SPOCK2: variants seen among roughly 807,000 people sequenced by gnomAD.
SPOCK2 encodes the protein testican-2.
SPOCK2 carries 39 observed loss-of-function variants against 60.1 expected under a neutral mutation model. That is an observed-to-expected ratio of 0.65 (90% CI 0.50 to 0.85). SPOCK2 has a LOEUF of 0.85. SPOCK2 is among the 40% of genes least tolerant of loss of function. The pLI is 0.00. For synonymous variants in SPOCK2, 217 were observed against 231.5 expected (o/e 0.94, Z 0.57); for missense variants, 523 against 567.4 (o/e 0.92, Z 0.80).
chr10:72,086,207 G>A lies in SPOCK2; in HGVS notation c.189+1933C>T, dbSNP rs117701902. The A allele has an allele frequency of 9.1e-3, 8,931 of 986,050 alleles. 41 individuals carry two copies. The highest frequency in any genetic ancestry group is 0.015 in the Middle Eastern group (28 of 1,914). The allele number at this position is 986,050 out of a possible 1,614,324, so 61.1% of individuals were successfully genotyped here. A position where few individuals can be genotyped will look rare whatever the true frequency, so the allele number is the denominator to read the frequency against. ...TAAAGCTTTCCCATGAATCTTACAT[G>A]TGCAAGTCCTGAAGACTTTCAAATC... On this transcript the variant is annotated intron_variant, in intron 1 of 10. Coordinates refer to ENST00000373109, the MANE Select transcript of SPOCK2 (RefSeq NM_001244950.2).
rs574212464 is a variant in SPOCK2, at chr10:72,059,228, C to T, written c.*3532G>A. 1.3e-5 allele frequency: 2 copies of T among 152,810 alleles called. No homozygotes were observed. The highest frequency in any genetic ancestry group is 2.9e-5 in the Non-Finnish European group (2 of 68,068). The allele number at this position is 152,810 out of a possible 1,614,324, so 9.5% of individuals were successfully genotyped here. On this transcript the variant is annotated 3_prime_UTR_variant, in exon 11 of 11. Coordinates refer to ENST00000373109, the MANE Select transcript of SPOCK2 (RefSeq NM_001244950.2). ...AGGGGAAAGGCAGGGCTGGATGACTCACGGGACTCTTGAGTGCCCATCAAC... is the reference window on the plus strand; with the variant it reads ...AGGGGAAAGGCAGGGCTGGATGACTTACGGGACTCTTGAGTGCCCATCAAC...
At chr10:72,074,531 CAGAA>C (rs1564548822) in intron 1 of SPOCK2, among the ~76,000 whole-genome samples, 1 of 152,252 alleles carries the variant, frequency 6.6e-6, no homozygotes, top group Non-Finnish European at 1.5e-5. Context: ...TGTGTAGTGA[CAGAA>C]GGAAAACAAG....
chr10:72,066,212 G>T (rs1409105000), intron 8 of SPOCK2, among the ~76,000 whole-genome samples: 1 of 152,008 alleles, frequency 6.6e-6, no homozygotes, highest in Non-Finnish European at 1.5e-5. Context: ...TTTAAGATGT[G>T]CCTAAAAGAA....
At chr10:72,072,643 T>C (rs989075690) in intron 2 of SPOCK2, 95 bp from the exon 3 acceptor site, 1 of 1,565,368 alleles carries the variant, frequency 6.4e-7, no homozygotes, top group Non-Finnish European at 8.7e-7. Context: ...GGGCCAGCGA[T>C]GTCATGTGCC....
chr10:72,078,380 G>A (rs766966108), intron 1 of SPOCK2, among the ~76,000 whole-genome samples: 25 of 151,884 alleles, frequency 1.6e-4, no homozygotes, highest in South Asian at 4.2e-4. Flanking sequence ...GTGTGATGGC[G>A]GGCGCCTGTA....
chr10:72,064,569 C>T (rs753851884), intron 8 of SPOCK2, among the ~76,000 whole-genome samples: 1 of 152,014 alleles, frequency 6.6e-6, no homozygotes, highest in East Asian at 1.9e-4. Context: ...CCCAGGGGAA[C>T]GTAATGCTAG....
In SPOCK2 at chr10:72,068,186, C is replaced by T; in HGVS notation, c.589+1G>A. ...GCCTGGTGGCCCAGCACTGTCCTCA[C>T]CTGGTTTGCCATCGGCGGTGGAGGT... is the stretch of plus-strand genomic sequence containing the variant. On this transcript the variant is annotated splice_donor_variant, in intron 6 of 10. Transcript: ENST00000373109. LOFTEE classifies it high-confidence loss of function. The T allele has an allele frequency of 6.2e-7, 1 of 1,608,342 alleles. No homozygotes were observed. Among genetic ancestry groups the T allele is most frequent in the Non-Finnish European group, 8.5e-7 (1 of 1,177,818 alleles).
chr10:72,076,402 G>C (rs1222031454), intron 1 of SPOCK2, among the ~76,000 whole-genome samples: 1 of 152,224 alleles, frequency 6.6e-6, no homozygotes, highest in Non-Finnish European at 1.5e-5. Context: ...GAAATAGTCT[G>C]ATCAGGGCAC....
chr10:72,085,686 T>C (rs79756168), intron 1 of SPOCK2, among the ~76,000 whole-genome samples: 1 of 152,196 alleles, frequency 6.6e-6, no homozygotes, highest in Non-Finnish European at 1.5e-5. Context: ...TTTGGGGTTA[T>C]GAACAAGGTC....
chr10:72,078,317 C>CGAT (rs1840741651), intron 1 of SPOCK2, among the ~76,000 whole-genome samples: 1 of 151,946 alleles, frequency 6.6e-6, no homozygotes, highest in South Asian at 2.1e-4. Context: ...AGATCGAGCA[C>CGAT]CCTGGATAAC....
At chr10:72,079,374 G>A (rs545884414) in intron 1 of SPOCK2, among the ~76,000 whole-genome samples, 1 of 152,312 alleles carries the variant, frequency 6.6e-6, no homozygotes, top group African/African-American at 2.4e-5. Context: ...GGAGGGTCTG[G>A]TGGTGGAAGG....
In SPOCK2 at chr10:72,087,302, A is replaced by C. The variant is rs1055080724; in HGVS notation, c.189+838T>G. Among the ~76,000 whole-genome samples the C allele has an allele frequency of 9.4e-5, 13 of 138,092 alleles. No homozygotes were observed. The highest frequency in any genetic ancestry group is 5.5e-4 in the South Asian group (2 of 3,610). 90.6% of individuals were successfully genotyped at this position (138,092 alleles called of 152,430 possible). ...GTGCCGCAGCTACCCCCCCGCCCCC[A>C]CCCCGCGGAGTTCGGCCCAAGGTTA... On this transcript the variant is annotated intron_variant, in intron 1 of 10. Coordinates refer to ENST00000373109, the MANE Select transcript of SPOCK2 (RefSeq NM_001244950.2). This position sits in a 1 kb window ranked among gnomAD's most constrained non-coding sequence, Gnocchi z 4.7.
In SPOCK2 at chr10:72,088,280, C is replaced by CCAGGAG. The variant is rs777657789; in HGVS notation, c.43_48dup (p.Leu15_Leu16dup). On this transcript the variant is annotated inframe_insertion, in exon 1 of 11. Coordinates refer to ENST00000373109, the MANE Select transcript of SPOCK2 (RefSeq NM_001244950.2). Reference sequence around the variant, plus strand: ...TCGCCTTCGGCCAGGGCTGCCGCGGCCAGGAGCAGCAGCGGCAGCACCAGC... The same window carrying CCAGGAG: ...TCGCCTTCGGCCAGGGCTGCCGCGGCCAGGAGCAGGAGCAGCAGCGGCAGCACCAGC... 1.9e-6 allele frequency: 3 copies of CCAGGAG among 1,603,654 alleles called. No homozygotes were observed. The highest frequency in any genetic ancestry group is 2.2e-5 in the South Asian group (2 of 90,298).
intron 4 of SPOCK2, 102 bp from the exon 5 acceptor site, chr10:72,070,528 C>T: frequency 9.2e-7 from 1 of 1,083,194 alleles, no homozygotes; most frequent in Non-Finnish European, 1.4e-6. Flanking sequence ...AAGGCAGCAG[C>T]AATCTTCAGC....
At position 72,087,461 on chromosome 10, in the gene SPOCK2, C is replaced by T. The variant is rs971634444; in HGVS notation, c.189+679G>A. Among the ~76,000 whole-genome samples the T allele has an allele frequency of 1.3e-5, 2 of 152,200 alleles. No homozygotes were observed. Among genetic ancestry groups the T allele is most frequent in the East Asian group, 3.9e-4 (2 of 5,172 alleles). ...TCCCCTCGCTCCAGGCTGGATTCCC[C>T]CCTGAAATGTTGGTCCGGGAAAACC... On this transcript the variant is annotated intron_variant, in intron 1 of 10. Transcript: ENST00000373109. The surrounding 1 kb of genome is among the most constrained non-coding windows in gnomAD (Gnocchi z 4.7).
intron 4 of SPOCK2, 64 bp from the exon 5 acceptor site, chr10:72,070,490 G>A (rs1840631921): frequency 2.0e-6 from 3 of 1,520,160 alleles, no homozygotes; most frequent in Non-Finnish European, 2.7e-6. Context: ...CAGGGGAAGG[G>A]AGGGCTGAGC....
intron 1 of SPOCK2, among the ~76,000 whole-genome samples, chr10:72,075,924 AG>A (rs1314342804): frequency 3.3e-5 from 5 of 152,176 alleles, no homozygotes; most frequent in African/African-American, 1.2e-4. Flanking sequence ...CCCGACCTCG[AG>A]GGGCTCAGTG....
At position 72,059,406 on chromosome 10, in the gene SPOCK2, C is replaced by T. The variant is rs953718596; in HGVS notation, c.*3354G>A. 2 of 152,272 alleles carry T rather than the reference C, an allele frequency of 1.3e-5. No homozygotes were observed. Among genetic ancestry groups the T allele is most frequent in the African/African-American group, 4.8e-5 (2 of 41,458 alleles). The allele number at this position is 152,272 out of a possible 1,614,324, so 9.4% of individuals were successfully genotyped here. A position where few individuals can be genotyped will look rare whatever the true frequency, so the allele number is the denominator to read the frequency against. On this transcript the variant is annotated 3_prime_UTR_variant, in exon 11 of 11. Transcript: ENST00000373109. ...CTAAGCTCAGTTATTGCACATCACA[C>T]AGTTTAAGCAGGCTTCAGGCTGGAA... is the stretch of plus-strand genomic sequence containing the variant.
At chr10:72,085,987 T>A (rs1411799111) in intron 1 of SPOCK2, among the ~76,000 whole-genome samples, 2 of 152,206 alleles carry the variant, frequency 1.3e-5, no homozygotes, top group African/African-American at 4.8e-5. Flanking sequence ...ATGCAGTGGC[T>A]CTGAGCTAGC....
Sources: allele counts gnomAD v4.1 joint callset (sites outside exome capture counted in the v4.1 genomes callset), GRCh38; gene constraint gnomAD v4.1.1; non-coding constraint Gnocchi (gnomAD v3.1); transcripts MANE v1.5; gene names NCBI Gene and HGNC (gene_info 2026-07-23, HGNC 2026-07-21).